TTC23: variants seen among roughly 807,000 people sequenced by gnomAD.
TTC23 encodes the protein tetratricopeptide repeat protein 23.
A neutral mutation model predicts 55.1 loss-of-function variants in TTC23; 58 were observed. That is an observed-to-expected ratio of 1.05 (90% CI 0.85 to 1.31). The LOEUF (loss-of-function observed/expected upper bound fraction) is 1.31. Ranked by LOEUF, TTC23 falls within the 50% of genes most tolerant of loss-of-function variation. The pLI is 0.00. For missense variants in TTC23, 516 were observed against 534.4 expected (o/e 0.97, Z 0.34); for synonymous variants, 203 against 199.9 (o/e 1.02, Z -0.13).
At position 99,177,591 on chromosome 15, in the gene TTC23, T is replaced by C. The variant is rs1048359441; in HGVS notation, c.760-2436A>G. ...AGCCATGTTTACTTTGCTTTTCCCC[T>C]ACTATCTCTACGATCTGTTATTTGG... On this transcript the variant is annotated intron_variant, in intron 9 of 13. Coordinates refer to ENST00000394132, the MANE Select transcript of TTC23 (RefSeq NM_001288615.3). Among the ~76,000 whole-genome samples the C allele has an allele frequency of 5.3e-5, 8 of 152,248 alleles. No homozygotes were observed. In the East Asian group the frequency reaches 1.5e-3, roughly 29 times the overall value.
intron 8 of TTC23, among the ~76,000 whole-genome samples, chr15:99,212,521 G>A (rs775564172): frequency 1.2e-4 from 18 of 152,226 alleles, no homozygotes; most frequent in Non-Finnish European, 2.1e-4. Flanking sequence ...AAGTAGCACC[G>A]GAACAGAGGA....
chr15:99,170,615 C>T (rs1170163342), intron 10 of TTC23, among the ~76,000 whole-genome samples: 1 of 152,202 alleles, frequency 6.6e-6, no homozygotes, highest in Non-Finnish European at 1.5e-5. Flanking sequence ...GATTTGGTTG[C>T]CCCTTAGTTG....
chr15:99,145,269 G>A (rs982192130), intron 12 of TTC23: 1 of 152,248 alleles, frequency 6.6e-6, no homozygotes, highest in African/African-American at 2.4e-5. Context: ...CGGGGATGGA[G>A]TGGAGAATGG....
intron 9 of TTC23, among the ~76,000 whole-genome samples, chr15:99,182,246 T>TCACA (rs757303435): frequency 0.023 from 2,625 of 112,562 alleles, 32 homozygotes; most frequent in Non-Finnish European, 0.033. Flanking sequence ...TCTCTCTCTC[T>TCACA]CTCACACACA....
At chr15:99,151,850 C>G (rs2069806343) in intron 12 of TTC23, among the ~76,000 whole-genome samples, 1 of 152,172 alleles carries the variant, frequency 6.6e-6, no homozygotes, top group African/African-American at 2.4e-5. Context: ...ATGGCGAAAC[C>G]ATCTCTACTA....
In TTC23 at chr15:99,218,902, G is replaced by C. The variant is rs141620949; in HGVS notation, c.451C>G (p.Gln151Glu). 1.9e-6 allele frequency: 3 copies of C among 1,612,692 alleles called. No homozygotes were observed. Among genetic ancestry groups the C allele is most frequent in the South Asian group, 2.2e-5 (2 of 90,930 alleles). ...AAGTTAGAGGCAAAAGGATACTTTT[G>C]AAGGGAGAGTAAAGCTCTGCCCATG... Reference protein sequence around the residue: ...HTMGRALLSLQKFKEAAENLT... With the variant: ...HTMGRALLSLEKFKEAAENLT... The change falls in exon 7 of 14, where the codon CAA (glutamine) becomes GAA (glutamate). Residue 151 changes from glutamine (Q) to glutamate (E), a missense_variant. Transcript: ENST00000394132.
chr15:99,236,497 A>C (rs1296511227), intron 3 of TTC23, among the ~76,000 whole-genome samples: 1 of 140,996 alleles, frequency 7.1e-6, no homozygotes, highest in Non-Finnish European at 1.5e-5. Flanking sequence ...ACAAGGTTTT[A>C]CTCTGTCACC....
chr15:99,149,877 T>C (rs2069471185), intron 12 of TTC23, among the ~76,000 whole-genome samples: 1 of 152,198 alleles, frequency 6.6e-6, no homozygotes, highest in South Asian at 2.1e-4. Context: ...TGAAGGTCTG[T>C]GTGGTCCTGT....
At chr15:99,176,364 C>A (rs946799118) in intron 9 of TTC23, among the ~76,000 whole-genome samples, 1 of 152,164 alleles carries the variant, frequency 6.6e-6, no homozygotes, top group Non-Finnish European at 1.5e-5. Flanking sequence ...GTACTCCCAG[C>A]AGTTTGGGGG....
At chr15:99,170,473 G>C (rs1567384152) in intron 10 of TTC23, among the ~76,000 whole-genome samples, 1 of 152,180 alleles carries the variant, frequency 6.6e-6, no homozygotes. Flanking sequence ...AAGCACAGGA[G>C]AGCAGAGCTA....
chr15:99,160,628 G>A (rs984036262), intron 11 of TTC23: 1 of 152,130 alleles, frequency 6.6e-6, no homozygotes, highest in African/African-American at 2.4e-5. Context: ...CAGATACTGA[G>A]GAACAACTAT....
chr15:99,243,855 A>T (rs1368239554), intron 2 of TTC23, among the ~76,000 whole-genome samples: 1 of 152,202 alleles, frequency 6.6e-6, no homozygotes, highest in Non-Finnish European at 1.5e-5. Flanking sequence ...AAAAGTGGGG[A>T]TAGTTAATGG....
intron 4 of TTC23, among the ~76,000 whole-genome samples, chr15:99,234,220 G>C (rs973204438): frequency 2.0e-5 from 3 of 152,054 alleles, no homozygotes; most frequent in Non-Finnish European, 4.4e-5. Context: ...AAGAGAAACT[G>C]TTAATTAAAA....
intron 10 of TTC23, 107 bp from the exon 11 acceptor site, chr15:99,161,974 G>T: frequency 8.0e-7 from 1 of 1,252,324 alleles, no homozygotes; most frequent in Non-Finnish European, 1.1e-6. Context: ...AGAGGTATTG[G>T]GACAAGAAAA....
At chr15:99,197,237 G>A (rs577504904) in intron 9 of TTC23, among the ~76,000 whole-genome samples, 13 of 152,140 alleles carry the variant, frequency 8.5e-5, no homozygotes, top group African/African-American at 3.1e-4. Context: ...CGAGTAGCTG[G>A]GACTACAGGC....
chr15:99,204,881 CT>C (rs1234567149), intron 8 of TTC23, among the ~76,000 whole-genome samples: 1 of 152,078 alleles, frequency 6.6e-6, no homozygotes, highest in African/African-American at 2.4e-5. Context: ...AGCAATCTTC[CT>C]GCCTTGGCCT....
At chr15:99,171,594 C>T (rs1345075954) in intron 10 of TTC23, among the ~76,000 whole-genome samples, 1 of 124,428 alleles carries the variant, frequency 8.0e-6, no homozygotes, top group African/African-American at 3.1e-5. Context: ...GACTGAGTCT[C>T]GCTCTGTCGC....
chr15:99,185,785 A>G (rs1474866796), intron 9 of TTC23, among the ~76,000 whole-genome samples: 1 of 152,120 alleles, frequency 6.6e-6, no homozygotes, highest in African/African-American at 2.4e-5. Context: ...AGAGGGAGGG[A>G]TGAGGTAGAT....
intron 6 of TTC23, among the ~76,000 whole-genome samples, chr15:99,221,221 A>G (rs2077895079): frequency 2.6e-5 from 4 of 152,230 alleles, no homozygotes; most frequent in African/African-American, 9.6e-5. Flanking sequence ...AAGCAGTGGG[A>G]GAGAGAAAAA....
Sources: allele counts gnomAD v4.1 joint callset (sites outside exome capture counted in the v4.1 genomes callset), GRCh38; gene constraint gnomAD v4.1.1; transcripts MANE v1.5; gene names NCBI Gene and HGNC (gene_info 2026-07-23, HGNC 2026-07-21).